The following SSH2 variants were observed in gnomAD, a reference collection of about 807,000 sequenced individuals.
The protein encoded by SSH2 is protein phosphatase Slingshot homolog 2.
Under a neutral mutation model 135.2 loss-of-function variants are expected in SSH2, and 37 were observed. The ratio of observed to expected loss-of-function variants is 0.27; its 90% CI spans 0.21 to 0.36. The LOEUF (loss-of-function observed/expected upper bound fraction) is 0.36. SSH2 is among the 10% of genes least tolerant of loss of function. The probability of loss-of-function intolerance (pLI) is 1.00; values close to 1 mark genes in which losing one functional copy is unlikely to be tolerated. For synonymous variants in SSH2, 628 were observed against 646.2 expected, an observed-to-expected ratio of 0.97 and a Z score of 0.43; for missense variants, 1,408 against 1,765.3, an observed-to-expected ratio of 0.80 and a Z score of 3.63.
chr17:29,804,898 T>G (rs1304874470), intron 2 of SSH2, among the ~76,000 whole-genome samples: 1 of 148,306 alleles, frequency 6.7e-6, no homozygotes, highest in Non-Finnish European at 1.5e-5. Flanking sequence ...CTAACTAAGT[T>G]GCCCAGGCTG....
intron 2 of SSH2, among the ~76,000 whole-genome samples, chr17:29,808,382 G>A (rs2042384787): frequency 6.6e-6 from 1 of 152,220 alleles, no homozygotes; most frequent in African/African-American, 2.4e-5. Flanking sequence ...GCCCGCCTCG[G>A]CCTCCCAAAG....
chr17:29,873,975 G>A (rs888791262), intron 1 of SSH2, among the ~76,000 whole-genome samples: 3 of 152,100 alleles, frequency 2.0e-5, no homozygotes, highest in Non-Finnish European at 4.4e-5. Context: ...TTTATTAATA[G>A]GCTAAAGAAA....
intron 1 of SSH2, among the ~76,000 whole-genome samples, chr17:29,888,379 T>C (rs1033745262): frequency 2.6e-5 from 4 of 152,060 alleles, no homozygotes; most frequent in African/African-American, 4.8e-5. Flanking sequence ...CATTGGATGG[T>C]TGGAAAGAGA....
rs186992302 is a variant in SSH2 at position 29,861,412 on chromosome 17, C to T, written c.64-12483G>A. Among the ~76,000 whole-genome samples the T allele has an allele frequency of 1.9e-3, 285 of 152,076 alleles. 2 individuals carry two copies. Among genetic ancestry groups the T allele is most frequent in the Middle Eastern group, 6.8e-3 (2 of 294 alleles). On this transcript the variant is annotated intron_variant, in intron 1 of 15. Coordinates refer to ENST00000540801, the MANE Select transcript of SSH2 (RefSeq NM_001282129.2). ...TGACTGATTATGTTGCATCCTGCCCCGATAATCCAGGGTAATCTTCCTATT... is the reference window on the plus strand; with the variant it reads ...TGACTGATTATGTTGCATCCTGCCCTGATAATCCAGGGTAATCTTCCTATT...
chr17:29,711,969 G>A (rs1242344928), intron 3 of SSH2, among the ~76,000 whole-genome samples: 1 of 152,198 alleles, frequency 6.6e-6, no homozygotes, highest in Non-Finnish European at 1.5e-5. Flanking sequence ...GACACAGCCT[G>A]AGGAGGTCCT....
At chr17:29,928,555 T>C (rs1439249379) in intron 1 of SSH2, 1 of 398,416 alleles carries the variant, frequency 2.5e-6, no homozygotes, top group Non-Finnish European at 4.4e-6. Flanking sequence ...GAAATCTGCC[T>C]CCCTGAACCA....
chr17:29,732,241 C>T (rs1907710774), intron 3 of SSH2, among the ~76,000 whole-genome samples: 1 of 152,054 alleles, frequency 6.6e-6, no homozygotes, highest in African/African-American at 2.4e-5. Flanking sequence ...TCTTAGTAGG[C>T]AAAAGTTTGC....
At chr17:29,658,435 T>A (rs2036881326) in intron 11 of SSH2, among the ~76,000 whole-genome samples, 1 of 152,192 alleles carries the variant, frequency 6.6e-6, no homozygotes, top group Non-Finnish European at 1.5e-5. Context: ...TGCCTCAGCC[T>A]CCTGAGTACC....
intron 1 of SSH2, among the ~76,000 whole-genome samples, chr17:29,899,362 T>C (rs1338687296): frequency 6.6e-6 from 1 of 152,168 alleles, no homozygotes; most frequent in African/African-American, 2.4e-5. Context: ...GATGACATGA[T>C]TGTATGTCTA....
chr17:29,658,197 T>C (rs1395228489), intron 11 of SSH2, among the ~76,000 whole-genome samples: 2 of 151,556 alleles, frequency 1.3e-5, no homozygotes, highest in Admixed American at 6.6e-5. Flanking sequence ...AGAGATGGGG[T>C]TTCTCCATGT....
At position 29,666,879 on chromosome 17, in the gene SSH2, C is replaced by T. The variant is rs377241448; in HGVS notation, c.1020G>A (p.Glu340=). The change falls in exon 11 of 16, where the codon GAG becomes GAA. Residue 340 remains glutamate (E), a synonymous_variant. Transcript: ENST00000540801. ...CTTTAAAACTTACCAGGAACACATG[C>T]TCAAATATCTGTGTAGGGCTATCCA... The part of the protein sequence containing the change: ...GQMDSPTQIF[E]HVFLGSEWNA... 6.2e-6 allele frequency: 10 copies of T among 1,613,924 alleles called. No individual in the cohort carries two copies. The highest frequency in any genetic ancestry group is 5.3e-5 in the African/African-American group (4 of 74,902).
intron 1 of SSH2, among the ~76,000 whole-genome samples, chr17:29,885,300 CTT>C (rs1244640716): frequency 6.9e-6 from 1 of 144,880 alleles, no homozygotes; most frequent in Non-Finnish European, 1.5e-5. Flanking sequence ...CAGGTACTAA[CTT>C]TTAACTCTTA....
At chr17:29,743,204 C>T (rs1233389645) in intron 3 of SSH2, among the ~76,000 whole-genome samples, 4 of 152,180 alleles carry the variant, frequency 2.6e-5, no homozygotes, top group Non-Finnish European at 5.9e-5. Flanking sequence ...GCGTGACCAC[C>T]ATGCATAGCA....
intron 15 of SSH2, among the ~76,000 whole-genome samples, chr17:29,635,090 G>T (rs918326507): frequency 4.6e-5 from 7 of 151,912 alleles, no homozygotes; most frequent in African/African-American, 1.7e-4. Context: ...TTTTTGTAGA[G>T]ACAGGGTTTC....
intron 1 of SSH2, among the ~76,000 whole-genome samples, chr17:29,868,064 CT>C (rs1216644335): frequency 6.6e-6 from 1 of 152,150 alleles, no homozygotes; most frequent in Non-Finnish European, 1.5e-5. Context: ...CTAGAAGGAG[CT>C]AAGTGAAAGC....
At chr17:29,886,849 T>C (rs1251747606) in intron 1 of SSH2, among the ~76,000 whole-genome samples, 1 of 152,010 alleles carries the variant, frequency 6.6e-6, no homozygotes, top group Non-Finnish European at 1.5e-5. Context: ...AGAAGTTGCA[T>C]AAGTAACAAG....
chr17:29,928,567 G>A, intron 1 of SSH2: 1 of 398,488 alleles, frequency 2.5e-6, no homozygotes, highest in Non-Finnish European at 4.4e-6. Context: ...CCTGAACCAA[G>A]AATCCCAGTT....
intron 1 of SSH2, chr17:29,928,535 A>G (rs1438293739): frequency 5.0e-6 from 2 of 398,564 alleles, no homozygotes; most frequent in Non-Finnish European, 4.4e-6. Flanking sequence ...ATTCTTCCTT[A>G]CAATCACTGG....
intron 2 of SSH2, among the ~76,000 whole-genome samples, chr17:29,808,699 T>A (rs1429799361): frequency 1.3e-5 from 2 of 152,164 alleles, no homozygotes; most frequent in Admixed American, 1.3e-4. Flanking sequence ...GGGAAGTTCT[T>A]TATCCCTTTA....
Sources: allele counts gnomAD v4.1 joint callset (sites outside exome capture counted in the v4.1 genomes callset), GRCh38; gene constraint gnomAD v4.1.1; transcripts MANE v1.5; gene names NCBI Gene and HGNC (gene_info 2026-07-23, HGNC 2026-07-21).